Variants in PPP1R9A observed in about 807,000 individuals in gnomAD.
The protein encoded by PPP1R9A is protein phosphatase 1 regulatory subunit 9A, also known as neurabin-1.
A neutral mutation model predicts 141.9 loss-of-function variants in PPP1R9A; 59 were observed. The ratio of observed to expected loss-of-function variants is 0.42; its 90% CI spans 0.34 to 0.52. The LOEUF is 0.52. PPP1R9A is among the 20% of genes least tolerant of loss of function. PPP1R9A has a pLI of 0.10. For synonymous variants in PPP1R9A, 500 were observed against 569.7 expected, an observed-to-expected ratio of 0.88 and a Z score of 1.74; for missense variants, 1,444 against 1,611.9, an observed-to-expected ratio of 0.90 and a Z score of 1.78.
At chr7:95,046,502 T>C (rs535722396) in intron 2 of PPP1R9A, among the ~76,000 whole-genome samples, 6 of 152,370 alleles carry the variant, frequency 3.9e-5, no homozygotes, top group Non-Finnish European at 8.8e-5. Context: ...TGCTATTTGA[T>C]AACACGGAAT....
intron 17 of PPP1R9A, 102 bp downstream of exon 17, chr7:95,284,432 A>G (rs999941275): frequency 3.6e-6 from 4 of 1,124,112 alleles, no homozygotes; most frequent in Non-Finnish European, 4.9e-6. Flanking sequence ...TGTAGATTGT[A>G]CATTACTCTT....
rs1802260131 is a variant in PPP1R9A at position 94,996,888 on chromosome 7, C to T, written c.1395+85380C>T. ...CACAATTGCAGCTCACTGCAACCTC[C>T]ACCTCCCAGGTTCAAGCAATTCCCC... On this transcript the variant is annotated intron_variant, in intron 2 of 19. Coordinates refer to ENST00000433360, the MANE Select transcript of PPP1R9A (RefSeq NM_001166160.2). Among the ~76,000 whole-genome samples the T allele has an allele frequency of 2.0e-5, 3 of 151,332 alleles. No individual in the cohort carries two copies. In the South Asian group the frequency reaches 6.3e-4, roughly 32 times the overall value.
chr7:95,273,958 A>G lies in PPP1R9A; in HGVS notation c.3184A>G (p.Lys1062Glu). ...ASSSLAVQGG[K>E]IKRKFVDLGA... ...CAGTTCATTGGCGGTGCAAGGAGGA[A>G]AAATTAAGCGGAAGTTTGTGGATCT... is the stretch of plus-strand genomic sequence containing the variant. Residue 1062 changes from lysine to glutamate, a missense_variant, in exon 15 of 20, where the codon AAA becomes GAA. Lys to Glu is a moderately conservative substitution (Grantham distance 56). Transcript: ENST00000433360. 1 of 1,505,150 alleles carries G rather than the reference A, an allele frequency of 6.6e-7. No homozygotes were observed. The highest frequency in any genetic ancestry group is 9.1e-7 in the Non-Finnish European group (1 of 1,095,152). The allele number at this position is 1,505,150 out of a possible 1,614,324, so 93.2% of individuals were successfully genotyped here.
At chr7:95,090,983 T>C (rs1584637229) in intron 2 of PPP1R9A, among the ~76,000 whole-genome samples, 1 of 152,018 alleles carries the variant, frequency 6.6e-6, no homozygotes, top group African/African-American at 2.4e-5. Flanking sequence ...AGAGCATGAT[T>C]TTTAGGATAC....
intron 2 of PPP1R9A, among the ~76,000 whole-genome samples, chr7:95,062,760 C>G (rs1812411670): frequency 6.6e-6 from 1 of 151,782 alleles, no homozygotes; most frequent in Non-Finnish European, 1.5e-5. Flanking sequence ...TTTTCTTTAC[C>G]CTGCCCCACT....
chr7:95,004,924 T>C (rs1255673130), intron 2 of PPP1R9A, among the ~76,000 whole-genome samples: 1 of 152,222 alleles, frequency 6.6e-6, no homozygotes, highest in Non-Finnish European at 1.5e-5. Flanking sequence ...GTCGAATGTT[T>C]CCCTGTGGAA....
intron 2 of PPP1R9A, among the ~76,000 whole-genome samples, chr7:95,070,593 GTATATA>G (rs71961632): frequency 2.7e-5 from 3 of 111,940 alleles, no homozygotes; most frequent in African/African-American, 7.2e-5. Flanking sequence ...TAAATCTCTG[GTATATA>G]TATATATATA....
chr7:95,000,867 C>T lies in PPP1R9A; in HGVS notation c.1395+89359C>T, dbSNP rs115254595. ...TACATAATCTATTTGCTTTAGTTAA[C>T]GCAGAATTGACTTGCAATTTTGGTT... On this transcript the variant is annotated intron_variant, in intron 2 of 19. Coordinates refer to ENST00000433360, the MANE Select transcript of PPP1R9A (RefSeq NM_001166160.2). 4.3e-3 allele frequency among the ~76,000 whole-genome samples: 647 copies of T among 152,154 alleles called. 4 individuals are homozygous for T. Among genetic ancestry groups the T allele is most frequent in the African/African-American group, 0.015 (628 of 41,502 alleles).
intron 8 of PPP1R9A, among the ~76,000 whole-genome samples, chr7:95,237,566 T>C (rs139323367): frequency 3.9e-5 from 6 of 152,190 alleles, no homozygotes; most frequent in African/African-American, 9.6e-5. Context: ...CTATGGCTTA[T>C]ATTTTGTCTA....
chr7:95,028,191 G>A (rs1034116742), intron 2 of PPP1R9A, among the ~76,000 whole-genome samples: 1 of 152,128 alleles, frequency 6.6e-6, no homozygotes, highest in African/African-American at 2.4e-5. Flanking sequence ...ATACTGTAGA[G>A]AAATCAAGTA....
chr7:95,072,353 T>TTA (rs1015568404), intron 2 of PPP1R9A, among the ~76,000 whole-genome samples: 2 of 144,210 alleles, frequency 1.4e-5, no homozygotes, highest in Admixed American at 7.2e-5. Flanking sequence ...AGTTATATTA[T>TTA]TATATAATAT....
chr7:95,069,993 T>C (rs1468644306), intron 2 of PPP1R9A, among the ~76,000 whole-genome samples: 2 of 152,158 alleles, frequency 1.3e-5, no homozygotes, highest in Non-Finnish European at 2.9e-5. Context: ...AACCATAAAA[T>C]TCCCTTCTAT....
chr7:95,221,184 T>A (rs989839270), intron 7 of PPP1R9A, among the ~76,000 whole-genome samples: 5 of 152,108 alleles, frequency 3.3e-5, no homozygotes, highest in Non-Finnish European at 7.4e-5. Context: ...CGGTCACTCG[T>A]TTTGAGCACC....
At chr7:95,152,980 G>T (rs1181159630) in intron 4 of PPP1R9A, among the ~76,000 whole-genome samples, 2 of 151,620 alleles carry the variant, frequency 1.3e-5, no homozygotes, top group African/African-American at 4.9e-5. Flanking sequence ...CTCCCAAGTA[G>T]CTGAGACTAC....
intron 2 of PPP1R9A, among the ~76,000 whole-genome samples, chr7:94,991,538 C>T (rs1233668734): frequency 6.6e-6 from 1 of 151,804 alleles, no homozygotes; most frequent in Non-Finnish European, 1.5e-5. Flanking sequence ...TTAATATAGT[C>T]CCATTTGTTT....
chr7:95,019,387 A>AAAAT (rs548796200), intron 2 of PPP1R9A, among the ~76,000 whole-genome samples: 68 of 152,328 alleles, frequency 4.5e-4, no homozygotes, highest in African/African-American at 1.4e-3. Context: ...AGTCTCAATT[A>AAAAT]AAATAAATAA....
chr7:95,131,155 C>T (rs752299421), intron 4 of PPP1R9A, among the ~76,000 whole-genome samples: 7 of 152,096 alleles, frequency 4.6e-5, no homozygotes, highest in Non-Finnish European at 8.8e-5. Flanking sequence ...ATTCCCATGT[C>T]GTGGGAGGAA....
intron 5 of PPP1R9A, among the ~76,000 whole-genome samples, chr7:95,196,930 A>G (rs551279977): frequency 3.3e-5 from 5 of 152,326 alleles, no homozygotes; most frequent in Admixed American, 3.3e-4. Flanking sequence ...AAGATGAAAA[A>G]GGTAGTATTT....
chr7:95,273,765 T>C (rs1802628934), intron 14 of PPP1R9A, 134 bp from the exon 15 acceptor site: 1 of 854,542 alleles, frequency 1.2e-6, no homozygotes, highest in Admixed American at 2.7e-5. Flanking sequence ...CTAGGTCGTA[T>C]AAGAAGGCAT....
Sources: gnomAD v4.1 joint callset for allele counts (sites outside exome capture counted in the v4.1 genomes callset) on GRCh38, gnomAD v4.1.1 for gene constraint, MANE v1.5 for transcripts, NCBI Gene and HGNC (gene_info 2026-07-23, HGNC 2026-07-21) for gene names.